ITPR3: variants seen among roughly 807,000 people sequenced by gnomAD.
ITPR3 encodes the protein inositol 1,4,5-trisphosphate receptor type 3.
ITPR3 carries 173 observed loss-of-function variants against 293.2 expected under a neutral mutation model. The ratio of observed to expected loss-of-function variants is 0.59; its 90% CI spans 0.52 to 0.67. ITPR3 has a LOEUF of 0.67. ITPR3 is among the 30% of genes least tolerant of loss of function. The pLI, the probability that ITPR3 is intolerant of heterozygous loss-of-function variation, is 0.00. For synonymous variants in ITPR3, 1,295 were observed against 1,444.4 expected, an observed-to-expected ratio of 0.90 and a Z score of 2.35; for missense variants, 2,796 against 3,592.1, an observed-to-expected ratio of 0.78 and a Z score of 5.66.
At position 33,663,893 on chromosome 6, in the gene ITPR3, C is replaced by T; in HGVS notation, c.1148+13C>T. ...CTTTCGTGCCCCGGTGGGTATGCGC[C>T]ATGTGCCTGGGAGTTGACTGGTGGT... On this transcript the variant is annotated intron_variant, in intron 11 of 57. Transcript: ENST00000605930. 6.2e-7 allele frequency: 1 copy of T among 1,613,778 alleles called. No homozygotes were observed. The highest frequency in any genetic ancestry group is 8.5e-7 in the Non-Finnish European group (1 of 1,179,838).
intron 25 of ITPR3, among the ~76,000 whole-genome samples, chr6:33,676,201 C>T (rs780477980): frequency 1.3e-5 from 2 of 152,256 alleles, no homozygotes; most frequent in East Asian, 3.8e-4. Flanking sequence ...AATATCAATA[C>T]CAGTCGGCGT....
intron 56 of ITPR3, 163 bp from the exon 57 acceptor site, chr6:33,694,761 C>A: frequency 1.2e-6 from 1 of 848,946 alleles, no homozygotes; most frequent in Non-Finnish European, 1.8e-6. Context: ...CTCACTCTGG[C>A]CCCGGGGAGG....
Position 33,659,130 on chromosome 6 carries a change from G to T in ITPR3, c.627+11G>T, listed in dbSNP as rs554562975. ...GCCGGCTGCAAGGAGGTGAGGGGGT[G>T]GGGGGTCAGCCATGCAGTGCAGGGA... On this transcript the variant is annotated intron_variant, in intron 6 of 57. Coordinates refer to ENST00000605930, the MANE Select transcript of ITPR3 (RefSeq NM_002224.4). 6.8e-6 allele frequency: 11 copies of T among 1,608,968 alleles called. No individual in the cohort carries two copies. The highest frequency in any genetic ancestry group is 1.4e-5 in the African/African-American group (1 of 73,514).
In ITPR3 at chr6:33,655,630, C is replaced by T; in HGVS notation, c.161-136C>T. 2 of 1,170,014 alleles carry T rather than the reference C, an allele frequency of 1.7e-6. No homozygotes were observed. Among genetic ancestry groups the T allele is most frequent in the East Asian group, 2.6e-5 (1 of 39,028 alleles). The allele number at this position is 1,170,014 out of a possible 1,614,324, so 72.5% of individuals were successfully genotyped here. ...AAATTCTGTGAGGTTCTTCCAACCGCTTCCTCTCTACCTGCAGCGGGGAAC... is the reference window on the plus strand; with the variant it reads ...AAATTCTGTGAGGTTCTTCCAACCGTTTCCTCTCTACCTGCAGCGGGGAAC... On this transcript the variant is annotated intron_variant, in intron 2 of 57. Transcript: ENST00000605930. This position sits in a 1 kb window ranked among gnomAD's most constrained non-coding sequence, Gnocchi z 4.9.
At chr6:33,671,105 G>A in intron 20 of ITPR3, 60 bp from the exon 21 acceptor site, 2 of 1,599,704 alleles carry the variant, frequency 1.3e-6, no homozygotes, top group Non-Finnish European at 1.7e-6. Context: ...TGCCCTCCAC[G>A]AAGCCCCGCC....
chr6:33,689,818 C>T (rs1165110474), intron 50 of ITPR3, among the ~76,000 whole-genome samples: 4 of 152,218 alleles, frequency 2.6e-5, no homozygotes, highest in Non-Finnish European at 5.9e-5. Context: ...TCTTCTCTGT[C>T]CCCATCCTCC....
chr6:33,664,973 C>A lies in ITPR3; in HGVS notation c.1248+4C>A. On this transcript the variant is annotated splice_donor_region_variant and intron_variant, in intron 12 of 57. Transcript: ENST00000605930. This position sits in a 1 kb window ranked among gnomAD's most constrained non-coding sequence, Gnocchi z 4.4. ...GGAGCGGCCCATCCGGCTCATGGTG[C>A]GTGTCCCTGGGGTGGGGGTGGGGCT... The A allele has an allele frequency of 4.2e-6, 3 of 716,066 alleles. No homozygotes were observed. The highest frequency in any genetic ancestry group is 7.2e-6 in the Non-Finnish European group (3 of 418,898). The allele number at this position is 716,066 out of a possible 1,614,324, so 44.4% of individuals were successfully genotyped here.
Position 33,677,533 on chromosome 6 carries a change from G to A in ITPR3, c.3552G>A (p.Gly1184=). 6.2e-7 allele frequency: 1 copy of A among 1,614,036 alleles called. No individual in the cohort carries two copies. The highest frequency in any genetic ancestry group is 2.2e-5 in the East Asian group (1 of 44,872). ...GILERLNKMC[G]VGEQMRKKQQ... ...TGGAAAGGCTGAACAAGATGTGCGG[G>A]GTTGGGGAGCAAATGAGGAAGAAGC... The change falls in exon 28 of 58, where the codon GGG becomes GGA. Residue 1184 remains glycine, a synonymous_variant. Transcript: ENST00000605930.
Position 33,693,713 on chromosome 6 carries a change from C to T in ITPR3, c.7785+8C>T, listed in dbSNP as rs555779764. 3 of 1,613,476 alleles carry T rather than the reference C, an allele frequency of 1.9e-6. No homozygotes were observed. In the South Asian group the frequency reaches 3.3e-5, roughly 18 times the overall value. ...GTGGCCCAGATGATCAAGGTGTGAG[C>T]AGGGGCTGTGCCAGGCCTGTGGGCC... On this transcript the variant is annotated splice_region_variant and intron_variant, in intron 56 of 57. Transcript: ENST00000605930.
In ITPR3 at chr6:33,638,248, C is replaced by T. The variant is rs1254005682; in HGVS notation, c.90-2236C>T. On this transcript the variant is annotated intron_variant, in intron 1 of 57. Coordinates refer to ENST00000605930, the MANE Select transcript of ITPR3 (RefSeq NM_002224.4). The surrounding 1 kb of genome is among the most constrained non-coding windows in gnomAD (Gnocchi z 4.3). ...CTCGAACTCCTGACTTAATGATCCA[C>T]CCGCCTCAGCCTCCCAAAGTGCAGG... Among the ~76,000 whole-genome samples, 3 of 152,198 alleles carry T rather than the reference C, an allele frequency of 2.0e-5. No individual in the cohort carries two copies. Among genetic ancestry groups the T allele is most frequent in the African/African-American group, 7.2e-5 (3 of 41,448 alleles).
intron 24 of ITPR3, among the ~76,000 whole-genome samples, 157 bp downstream of exon 24, chr6:33,674,422 T>TC (rs1474158971): frequency 6.6e-6 from 1 of 152,090 alleles, no homozygotes; most frequent in African/African-American, 2.4e-5. Context: ...CTCCCCTGCC[T>TC]CCCCAGTCCC....
At position 33,680,401 on chromosome 6, in the gene ITPR3, A is replaced by G. The variant is rs1765039450; in HGVS notation, c.4297A>G (p.Thr1433Ala). The G allele has an allele frequency of 6.2e-7, 1 of 1,613,676 alleles. No individual in the cohort carries two copies. Among genetic ancestry groups the G allele is most frequent in the Non-Finnish European group, 8.5e-7 (1 of 1,180,000 alleles). ...GGAGGTGGAGATGAAGGAGATCTAC[A>G]CCAGCAACCACATCTGGACGCTCTT... ...DTEVEMKEIY[T>A]SNHIWTLFEN... is the part of the protein sequence containing the mutation. Residue 1433 changes from threonine to alanine, a missense_variant, in exon 32 of 58, where the codon ACC becomes GCC. This residue lies in a region of ITPR3 where 344 missense variants were observed against 460.3 expected (regional missense o/e 0.75). Coordinates refer to ENST00000605930, the MANE Select transcript of ITPR3 (RefSeq NM_002224.4).
Position 33,655,786 on chromosome 6 carries a change from C to T in ITPR3, c.181C>T (p.Pro61Ser), listed in dbSNP as rs1352698702. ...CACAGACTGCCTCTTCAAGGTGTGC[C>T]CCATGAACCGCTACTCGGCCCAGAA... ...KFRDCLFKVC[P>S]MNRYSAQKQY... The change falls in exon 3 of 58, where the codon CCC becomes TCC. Residue 61 changes from proline (P) to serine (S), a missense_variant. Pro to Ser is a moderately conservative substitution (Grantham distance 74). This residue lies in a region of ITPR3 where 53 missense variants were observed against 45.7 expected (regional missense o/e 1.16). Coordinates refer to ENST00000605930, the MANE Select transcript of ITPR3 (RefSeq NM_002224.4). This position sits in a 1 kb window ranked among gnomAD's most constrained non-coding sequence, Gnocchi z 4.9. 4 of 1,614,106 alleles carry T rather than the reference C, an allele frequency of 2.5e-6. No individual in the cohort carries two copies. The highest frequency in any genetic ancestry group is 1.3e-5 in the African/African-American group (1 of 75,012).
Position 33,676,915 on chromosome 6 carries a change from G to A in ITPR3, c.3430G>A (p.Ala1144Thr), listed in dbSNP as rs971334984. The A allele has an allele frequency of 6.8e-6, 11 of 1,613,958 alleles. No individual in the cohort carries two copies. The highest frequency in any genetic ancestry group is 3.3e-5 in the South Asian group (3 of 91,084). Residue 1144 changes from alanine (A) to threonine (T), a missense_variant, in exon 26 of 58, where the codon GCC becomes ACC. Around this residue, in one of 8 missense-constraint regions of ITPR3, gnomAD observed 344 missense variants for 460.3 expected, o/e 0.75. Transcript: ENST00000605930. ...GGGTGAGGAGGTGGAGGCAGGCGCC[G>A]CCAAGGACAAGAAAGAGGTAAGTGG... The part of the protein sequence containing the change: ...GKGEEVEAGA[A>T]KDKKERPTDE...
Position 33,687,416 on chromosome 6 carries a change from C to T in ITPR3, c.6178-62C>T. The T allele has an allele frequency of 1.3e-6, 2 of 1,522,658 alleles. No individual in the cohort carries two copies. Among genetic ancestry groups the T allele is most frequent in the Middle Eastern group, 2.3e-4 (1 of 4,386 alleles). 94.3% of individuals were successfully genotyped at this position (1,522,658 alleles called of 1,614,324 possible). Reference sequence around the variant, plus strand: ...CATCATCCCCCAGTCGCCATTGTCGCCCCCCAGCCACCATGTCCCCCAGCC... The same window carrying T: ...CATCATCCCCCAGTCGCCATTGTCGTCCCCCAGCCACCATGTCCCCCAGCC... On this transcript the variant is annotated intron_variant, in intron 45 of 57. Coordinates refer to ENST00000605930, the MANE Select transcript of ITPR3 (RefSeq NM_002224.4). The surrounding 1 kb of genome is among the most constrained non-coding windows in gnomAD (Gnocchi z 5.3).
At position 33,670,393 on chromosome 6, in the gene ITPR3, A is replaced by C; in HGVS notation, c.2258A>C (p.Gln753Pro). The C allele has an allele frequency of 1.9e-6, 3 of 1,614,136 alleles. No homozygotes were observed. The highest frequency in any genetic ancestry group is 2.5e-6 in the Non-Finnish European group (3 of 1,180,040). ...RQYLAIDEIS[Q>P]QLGVDLIFLC... ...TACTTGGCCATCGACGAGATCTCCC[A>C]GCAGCTGGGCGTGGACCTGATTTTC... The change falls in exon 19 of 58, where the codon CAG (glutamine) becomes CCG (proline). Residue 753 changes from glutamine (Q) to proline (P), a missense_variant. By Grantham distance (76) the Gln-to-Pro change is moderately conservative (BLOSUM62 -1). Around this residue, in one of 8 missense-constraint regions of ITPR3, gnomAD observed 955 missense variants for 1,180.8 expected, o/e 0.81. Transcript: ENST00000605930. The surrounding 1 kb of genome is among the most constrained non-coding windows in gnomAD (Gnocchi z 6.7).
At chr6:33,663,971 G>T in intron 11 of ITPR3, 91 bp downstream of exon 11, 1 of 1,495,926 alleles carries the variant, frequency 6.7e-7, no homozygotes. Context: ...CCACTCCTCC[G>T]CCCTCCTGCG....
intron 13 of ITPR3, 69 bp downstream of exon 13, chr6:33,665,282 A>G: frequency 6.4e-7 from 1 of 1,554,542 alleles, no homozygotes. Context: ...TCATGAAGAA[A>G]GGAGTCATGA....
chr6:33,621,351 A>C lies in ITPR3; in HGVS notation c.-252A>C, dbSNP rs1582089447. 4.8e-6 allele frequency: 1 copy of C among 209,310 alleles called. No homozygotes were observed. Among genetic ancestry groups the C allele is most frequent in the Non-Finnish European group, 9.0e-6 (1 of 110,686 alleles). The allele number at this position is 209,310 out of a possible 1,614,324, so 13.0% of individuals were successfully genotyped here. On this transcript the variant is annotated 5_prime_UTR_variant, in exon 1 of 58. Transcript: ENST00000605930. The surrounding 1 kb of genome is among the most constrained non-coding windows in gnomAD (Gnocchi z 7.7). ...TTCCTGCTCCTTCTACGCTGCAGGT[A>C]CGCGCGGGCCGGGCGGGGCGGGCGG...
Sources: allele counts gnomAD v4.1 joint callset (sites outside exome capture counted in the v4.1 genomes callset), GRCh38; gene constraint gnomAD v4.1.1; regional missense constraint gnomAD v4.1.1; non-coding constraint Gnocchi (gnomAD v3.1); transcripts MANE v1.5; gene names NCBI Gene and HGNC (gene_info 2026-07-23, HGNC 2026-07-21).